Variants in KMT2E observed in about 807,000 individuals in gnomAD.
KMT2E encodes the protein lysine methyltransferase 2E (inactive), also known as histone reader KMT2E.
Under a neutral mutation model 184.6 loss-of-function variants are expected in KMT2E, and 30 were observed. The ratio of observed to expected loss-of-function variants is 0.16; its 90% CI spans 0.12 to 0.22. KMT2E has a LOEUF of 0.22. KMT2E is among the 10% of genes least tolerant of loss of function. KMT2E has a pLI of 1.00. For missense variants in KMT2E, 2,023 were observed against 2,237.4 expected (o/e 0.90, Z 1.93); for synonymous variants, 815 against 776.5 (o/e 1.05, Z -0.82).
Position 105,101,836 on chromosome 7 carries a change from T to G in KMT2E, c.1888-50T>G, listed in dbSNP as rs201361658. On this transcript the variant is annotated intron_variant, in intron 16 of 26. Transcript: ENST00000311117. Reference sequence around the variant, plus strand: ...TAGAATAATGCTATTATATTTAAACTTTATATATATGTAGTATAAAAACTT... The same window carrying G: ...TAGAATAATGCTATTATATTTAAACGTTATATATATGTAGTATAAAAACTT... 2.0e-3 allele frequency: 2,702 copies of G among 1,379,996 alleles called. 3 individuals are homozygous for G. Among genetic ancestry groups the G allele is most frequent in the Non-Finnish European group, 2.4e-3 (2,413 of 1,017,422 alleles). 85.5% of individuals were successfully genotyped at this position (1,379,996 alleles called of 1,614,324 possible).
chr7:105,023,207 C>A (rs1655989956), intron 1 of KMT2E, among the ~76,000 whole-genome samples: 1 of 151,632 alleles, frequency 6.6e-6, no homozygotes, highest in African/African-American at 2.4e-5. Flanking sequence ...TCCCCTTTCT[C>A]CAATAAAAAA....
At chr7:105,106,090 T>A in intron 19 of KMT2E, 87 bp downstream of exon 19, 1 of 1,289,766 alleles carries the variant, frequency 7.8e-7, no homozygotes, top group Non-Finnish European at 1.1e-6. Context: ...TAGTTACTGG[T>A]ATGCACTTTA....
rs188984899 is a variant in KMT2E at position 105,041,398 on chromosome 7, G to C, written c.71+375G>C. ...AGGAGTCATTAATTTGTTGGTGCTT[G>C]GGTTCCCCCCACCCCCAGCAACAGA... is the stretch of plus-strand genomic sequence containing the variant. On this transcript the variant is annotated intron_variant, in intron 3 of 26. Coordinates refer to ENST00000311117, the MANE Select transcript of KMT2E (RefSeq NM_182931.3). Among the ~76,000 whole-genome samples the C allele has an allele frequency of 6.8e-3, 1,038 of 152,216 alleles. 8 individuals are homozygous for C. The highest frequency in any genetic ancestry group is 0.012 in the Non-Finnish European group (793 of 68,010).
chr7:105,029,199 G>A (rs1292440268), intron 1 of KMT2E, among the ~76,000 whole-genome samples: 1 of 151,992 alleles, frequency 6.6e-6, no homozygotes, highest in African/African-American at 2.4e-5. Flanking sequence ...GGAGGCAGAG[G>A]TTGCAGTGAG....
rs780572084 is a variant in KMT2E, at chr7:105,113,179, C to T, written c.5423C>T (p.Ala1808Val). The change falls in exon 27 of 27, where the codon GCT (alanine) becomes GTT (valine). Residue 1808 changes from alanine (A) to valine (V), a missense_variant. Ala to Val is a moderately conservative substitution (Grantham distance 64, BLOSUM62 0). Transcript: ENST00000311117. ...QGPNSIPTPT[A>V]SGFCPHPGSV... ...CCAAACAGTATTCCAACACCTACTG[C>T]TTCAGGGTTCTGTCCTCATCCTGGC... 16 of 1,614,232 alleles carry T rather than the reference C, an allele frequency of 9.9e-6. No homozygotes were observed. The highest frequency in any genetic ancestry group is 1.2e-5 in the Non-Finnish European group (14 of 1,180,038).
In KMT2E at chr7:105,113,012, G is replaced by C; in HGVS notation, c.5256G>C (p.Ser1752=). The part of the protein sequence containing the change: ...PPHQGPPLFP[S]SAHPTVPPYP... ...ATCAAGGACCTCCACTTTTTCCTTC[G>C]AGTGCTCATCCAACTGTACCACCGT... The change falls in exon 27 of 27, where the codon TCG becomes TCC. Residue 1752 remains serine, a synonymous_variant. Coordinates refer to ENST00000311117, the MANE Select transcript of KMT2E (RefSeq NM_182931.3). The C allele has an allele frequency of 6.2e-7, 1 of 1,613,472 alleles. No individual in the cohort carries two copies.
At chr7:105,022,282 AG>A (rs1794987063) in intron 1 of KMT2E, among the ~76,000 whole-genome samples, 2 of 151,920 alleles carry the variant, frequency 1.3e-5, no homozygotes. Flanking sequence ...GATTGCATTT[AG>A]TTTTGTTGTC....
At chr7:105,066,694 A>G (rs1471563415) in intron 5 of KMT2E, 33 bp from the exon 6 acceptor site, 1 of 1,509,908 alleles carries the variant, frequency 6.6e-7, no homozygotes, top group Non-Finnish European at 9.2e-7. Flanking sequence ...GACTTAAATA[A>G]TATTACATAT....
At chr7:105,111,780 C>T (rs762446983) in intron 26 of KMT2E, 45 bp from the exon 27 acceptor site, 30 of 1,550,536 alleles carry the variant, frequency 1.9e-5, no homozygotes, top group Non-Finnish European at 2.3e-5. Flanking sequence ...CCTCAAGGTA[C>T]ACAAAATGTT....
At chr7:105,043,527 C>T (rs1228247095) in intron 3 of KMT2E, among the ~76,000 whole-genome samples, 1 of 152,122 alleles carries the variant, frequency 6.6e-6, no homozygotes, top group Non-Finnish European at 1.5e-5. Flanking sequence ...TGAGCCACCG[C>T]GCCCGGCCAC....
chr7:105,113,192 T>C lies in KMT2E; in HGVS notation c.5436T>C (p.Cys1812=). The C allele has an allele frequency of 6.2e-7, 1 of 1,614,198 alleles. No individual in the cohort carries two copies. The highest frequency in any genetic ancestry group is 1.3e-5 in the African/African-American group (1 of 75,056). ...SIPTPTASGF[C]PHPGSVALPH... ...CAACACCTACTGCTTCAGGGTTCTG[T>C]CCTCATCCTGGCTCTGTGGCCCTGC... Residue 1812 remains cysteine, a synonymous_variant, in exon 27 of 27, where the codon TGT becomes TGC. Transcript: ENST00000311117.
At position 105,113,275 on chromosome 7, in the gene KMT2E, A is replaced by C; in HGVS notation, c.5519A>C (p.His1840Pro). ...ASPVPGQIPIHRAQVPPTFQN... is the reference protein window; with the variant it reads ...ASPVPGQIPIPRAQVPPTFQN... ...CCAGTGCCTGGACAGATTCCAATTC[A>C]CAGAGCACAGGTGCCACCAACATTT... Residue 1840 changes from histidine (H) to proline (P), a missense_variant, in exon 27 of 27, where the codon CAC becomes CCC. Coordinates refer to ENST00000311117, the MANE Select transcript of KMT2E (RefSeq NM_182931.3). 1.2e-6 allele frequency: 2 copies of C among 1,614,162 alleles called. No homozygotes were observed. Among genetic ancestry groups the C allele is most frequent in the Non-Finnish European group, 1.7e-6 (2 of 1,179,994 alleles).
intron 15 of KMT2E, 147 bp from the exon 16 acceptor site, chr7:105,101,277 GT>G (rs1210942738): frequency 2.0e-6 from 1 of 497,488 alleles, no homozygotes. Flanking sequence ...GAACAGAAAT[GT>G]TTTTTCTCCC....
chr7:105,079,829 CATTATTATT>C (rs111633846), intron 12 of KMT2E, among the ~76,000 whole-genome samples: 3 of 146,690 alleles, frequency 2.0e-5, no homozygotes, highest in Non-Finnish European at 3.0e-5. Context: ...CTTTTTAAAT[CATTATTATT>C]ATTATTATTA....
intron 1 of KMT2E, among the ~76,000 whole-genome samples, chr7:105,030,854 G>T (rs532438352): frequency 7.2e-5 from 11 of 152,278 alleles, no homozygotes; most frequent in Non-Finnish European, 1.5e-4. Flanking sequence ...TCATTGCCCA[G>T]GTCTGAGATA....
chr7:105,111,849 C>G lies in KMT2E; in HGVS notation c.4093C>G (p.Pro1365Ala), dbSNP rs1562936340. 6.2e-7 allele frequency: 1 copy of G among 1,613,082 alleles called. No individual in the cohort carries two copies. Among genetic ancestry groups the G allele is most frequent in the South Asian group, 1.1e-5 (1 of 90,872 alleles). Residue 1365 changes from proline (P) to alanine (A), a missense_variant, in exon 27 of 27, where the codon CCT (proline) becomes GCT (alanine). Physicochemically the swap from Pro to Ala is conservative, Grantham distance 27. This residue lies in a region of KMT2E where 1,108 missense variants were observed against 1,050.9 expected (regional missense o/e 1.05). Transcript: ENST00000311117. ...SKPGSPGSVIPAQAHGKIFTK... is the reference protein window; with the variant it reads ...SKPGSPGSVIAAQAHGKIFTK... ...GCCTGGTTCACCTGGATCTGTAATT[C>G]CTGCTCAAGCACACGGGAAAATATT...
intron 13 of KMT2E, among the ~76,000 whole-genome samples, chr7:105,087,239 A>AAT (rs1798016463): frequency 6.8e-6 from 1 of 146,092 alleles, no homozygotes; most frequent in Non-Finnish European, 1.5e-5. Context: ...GCATATATAT[A>AAT]AAGAGATACC....
Position 105,113,487 on chromosome 7 carries a change from A to AAAT in KMT2E, c.*155_*157dup, listed in dbSNP as rs1353750103. 2 of 836,424 alleles carry AAAT rather than the reference A, an allele frequency of 2.4e-6. No homozygotes were observed. Among genetic ancestry groups the AAAT allele is most frequent in the African/African-American group, 1.7e-5 (1 of 58,046 alleles). 51.8% of individuals were successfully genotyped at this position (836,424 alleles called of 1,614,324 possible). On this transcript the variant is annotated 3_prime_UTR_variant, in exon 27 of 27. Coordinates refer to ENST00000311117, the MANE Select transcript of KMT2E (RefSeq NM_182931.3). ...GTATTTTTCTCATTTTTGCTTTTTAAAATTCCTTTAAAAAATGTGCTGTTA... is the reference window on the plus strand; with the variant it reads ...GTATTTTTCTCATTTTTGCTTTTTAAAATAATTCCTTTAAAAAATGTGCTGTTA...
rs572011898 is a variant in KMT2E at position 105,077,379 on chromosome 7, G to A, written c.1076G>A (p.Arg359Lys). 5.0e-6 allele frequency: 8 copies of A among 1,610,538 alleles called. No homozygotes were observed. The highest frequency in any genetic ancestry group is 5.9e-6 in the Non-Finnish European group (7 of 1,177,508). Residue 359 changes from arginine to lysine, a missense_variant, in exon 11 of 27, where the codon AGA (arginine) becomes AAA (lysine). Coordinates refer to ENST00000311117, the MANE Select transcript of KMT2E (RefSeq NM_182931.3). Reference protein sequence around the residue: ...LPPDALIIEYRGKFMLREQFE... With the variant: ...LPPDALIIEYKGKFMLREQFE... ...CCTGATGCACTTATCATTGAATACA[G>A]AGGGAAGTTTATGCTGAGAGAACAG...
Sources: gnomAD v4.1 joint callset for allele counts (sites outside exome capture counted in the v4.1 genomes callset) on GRCh38, gnomAD v4.1.1 for gene constraint, gnomAD v4.1.1 regional missense constraint, MANE v1.5 for transcripts, NCBI Gene and HGNC (gene_info 2026-07-23, HGNC 2026-07-21) for gene names.